Variants in PRKG1 observed in about 807,000 individuals in gnomAD.
PRKG1 encodes protein kinase cGMP-dependent 1, also known as cGMP-dependent protein kinase 1.
A neutral mutation model predicts 88.1 loss-of-function variants in PRKG1; 35 were observed. The ratio of observed to expected loss-of-function variants is 0.40; its 90% confidence interval spans 0.30 to 0.53. PRKG1 has a LOEUF of 0.53. Among genes scored for constraint, PRKG1 ranks in the 20% least tolerant of loss-of-function variants. The pLI is 0.59. For missense variants in PRKG1, 540 were observed against 839.8 expected, an observed-to-expected ratio of 0.64 and a Z score of 4.41; for synonymous variants, 303 against 292.5, an observed-to-expected ratio of 1.04 and a Z score of -0.37.
At chr10:51,153,120 G>T in intron 1 of PRKG1, 44 bp from the exon 2 acceptor site, 1 of 1,576,062 alleles carries the variant, frequency 6.3e-7, no homozygotes, top group South Asian at 1.2e-5. Flanking sequence ...AACTATGAAA[G>T]AGCTTGTCAG....
rs371210324 is a variant in PRKG1 at position 51,397,307 on chromosome 10, C to A, written c.479-70416C>A. Reference sequence around the variant, plus strand: ...CTTTGGGGCCATCATGATTAACCTTCTATGTAGTTACAAATGCTTTCTAAG... The same window carrying A: ...CTTTGGGGCCATCATGATTAACCTTATATGTAGTTACAAATGCTTTCTAAG... On this transcript the variant is annotated intron_variant, in intron 2 of 17. Coordinates refer to ENST00000373980, the MANE Select transcript of PRKG1 (RefSeq NM_006258.4). 7.2e-5 allele frequency among the ~76,000 whole-genome samples: 11 copies of A among 152,204 alleles called. No homozygotes were observed. In the East Asian group the frequency reaches 1.4e-3, roughly 19 times the overall value.
At chr10:52,291,774 G>T (rs971228452) in intron 17 of PRKG1, among the ~76,000 whole-genome samples, 24 of 151,828 alleles carry the variant, frequency 1.6e-4, no homozygotes, top group African/African-American at 5.8e-4. Context: ...ACCCAGTAAT[G>T]GGATGGCTGG....
At chr10:51,229,926 C>CAA (rs35300789) in intron 2 of PRKG1, among the ~76,000 whole-genome samples, 656 of 32,860 alleles carry the variant, frequency 0.02, 16 homozygotes, top group African/African-American at 0.036. Flanking sequence ...GAGGCGATCT[C>CAA]AAAAAAAAAA....
At chr10:52,068,194 C>A in intron 7 of PRKG1, among the ~76,000 whole-genome samples, 2 of 76,216 alleles carry the variant, frequency 2.6e-5, no homozygotes, top group East Asian at 3.3e-4. Flanking sequence ...CAGAGCGAAA[C>A]TCCGTCTCAA....
At chr10:51,973,542 T>G (rs1460216050) in intron 5 of PRKG1, among the ~76,000 whole-genome samples, 1 of 152,192 alleles carries the variant, frequency 6.6e-6, no homozygotes, top group Non-Finnish European at 1.5e-5. Context: ...GCTTTGGTCC[T>G]ACTTACATCT....
intron 3 of PRKG1, among the ~76,000 whole-genome samples, chr10:51,666,177 G>A (rs559976882): frequency 2.6e-5 from 4 of 152,256 alleles, no homozygotes; most frequent in South Asian, 2.1e-4. Context: ...TATGTGTCCT[G>A]TGACTCCAGC....
intron 2 of PRKG1, among the ~76,000 whole-genome samples, chr10:51,234,183 C>G (rs1838919353): frequency 6.6e-6 from 1 of 152,118 alleles, no homozygotes; most frequent in Non-Finnish European, 1.5e-5. Flanking sequence ...CAAAGATCCT[C>G]TCGCCTTTTG....
chr10:51,610,452 A>G (rs4935271), intron 3 of PRKG1, among the ~76,000 whole-genome samples: 7,357 of 152,236 alleles, frequency 0.048, 213 homozygotes, highest in Middle Eastern at 0.088. Context: ...CCACCCATGT[A>G]GTTGCAAATA....
chr10:51,516,289 T>C (rs2132069514), intron 3 of PRKG1, among the ~76,000 whole-genome samples: 1 of 152,254 alleles, frequency 6.6e-6, no homozygotes, highest in Middle Eastern at 3.4e-3. Flanking sequence ...TTCCAATGTC[T>C]AGCTGCTGTC....
chr10:52,153,320 G>C (rs1320003856), intron 8 of PRKG1, among the ~76,000 whole-genome samples: 1 of 152,098 alleles, frequency 6.6e-6, no homozygotes, highest in Non-Finnish European at 1.5e-5. Flanking sequence ...CATAATGCCA[G>C]ATAAAAGGAA....
intron 1 of PRKG1, among the ~76,000 whole-genome samples, chr10:51,115,384 T>TATATATATATATATATATATATATATAG (rs1564606010): frequency 1.2e-5 from 1 of 80,718 alleles, no homozygotes; most frequent in Non-Finnish European, 2.8e-5. Flanking sequence ...TATATATATA[T>TATATATATATATATATATATATATATAG]AAAACAAATG....
intron 2 of PRKG1, among the ~76,000 whole-genome samples, chr10:51,354,343 C>A (rs1467179003): frequency 6.6e-6 from 1 of 151,974 alleles, no homozygotes; most frequent in African/African-American, 2.4e-5. Context: ...AGGATAAATG[C>A]TTGAGGGGAT....
chr10:51,714,278 T>G (rs1238888479), intron 3 of PRKG1, among the ~76,000 whole-genome samples: 1 of 152,142 alleles, frequency 6.6e-6, no homozygotes, highest in East Asian at 1.9e-4. Context: ...GCTCCCGGCC[T>G]ATTGCTTTTA....
At chr10:51,995,021 A>G (rs577297088) in intron 5 of PRKG1, among the ~76,000 whole-genome samples, 15 of 152,354 alleles carry the variant, frequency 9.8e-5, no homozygotes, top group African/African-American at 3.6e-4. Flanking sequence ...ACTGGAAGAT[A>G]GTTGCTATTA....
chr10:51,584,606 AAAG>A (rs939382374), intron 3 of PRKG1, among the ~76,000 whole-genome samples: 1 of 151,974 alleles, frequency 6.6e-6, no homozygotes, highest in Non-Finnish European at 1.5e-5. Context: ...TGTCTGGGGG[AAAG>A]AAGAAGGGGC....
chr10:51,502,117 A>G (rs1482896868), intron 3 of PRKG1, among the ~76,000 whole-genome samples: 1 of 152,200 alleles, frequency 6.6e-6, no homozygotes, highest in Admixed American at 6.5e-5. Context: ...TTAATGTCTG[A>G]ATCCGTATTA....
chr10:51,146,308 T>C (rs1217729589), intron 1 of PRKG1, among the ~76,000 whole-genome samples: 1 of 152,208 alleles, frequency 6.6e-6, no homozygotes, highest in Non-Finnish European at 1.5e-5. Context: ...TCATTATAGT[T>C]TTGATTTGCA....
At chr10:51,810,135 G>A (rs1216597193) in intron 4 of PRKG1, among the ~76,000 whole-genome samples, 2 of 152,112 alleles carry the variant, frequency 1.3e-5, no homozygotes, top group Non-Finnish European at 2.9e-5. Flanking sequence ...TCCTTGAGTT[G>A]AATGGGGGCA....
At chr10:51,605,343 G>T (rs577140567) in intron 3 of PRKG1, among the ~76,000 whole-genome samples, 1 of 152,162 alleles carries the variant, frequency 6.6e-6, no homozygotes, top group South Asian at 2.1e-4. Context: ...CAGGCCCGAG[G>T]GTGGGGCCCT....
Sources: allele counts gnomAD v4.1 joint callset (sites outside exome capture counted in the v4.1 genomes callset), GRCh38; gene constraint gnomAD v4.1.1; transcripts MANE v1.5; gene names NCBI Gene and HGNC (gene_info 2026-07-23, HGNC 2026-07-21).